RALGDS: variants seen among roughly 807,000 people sequenced by gnomAD.
The protein encoded by RALGDS is ral guanine nucleotide exchange factor.
Under a neutral mutation model 99.8 loss-of-function variants are expected in RALGDS, and 44 were observed. That is an observed-to-expected ratio of 0.44 (90% CI 0.35 to 0.57). The LOEUF (loss-of-function observed/expected upper bound fraction) is 0.57, where lower values mean the gene tolerates loss of function less well. Among genes scored for constraint, RALGDS ranks in the 20% least tolerant of loss-of-function variants. The pLI, the probability that RALGDS is intolerant of heterozygous loss-of-function variation, is 0.01. For synonymous variants in RALGDS, 529 were observed against 505.0 expected, an observed-to-expected ratio of 1.05 and a Z score of -0.64; for missense variants, 1,022 against 1,203.1, an observed-to-expected ratio of 0.85 and a Z score of 2.23.
intron 1 of RALGDS, among the ~76,000 whole-genome samples, chr9:133,141,286 C>T (rs1588572754): frequency 6.6e-6 from 1 of 152,322 alleles, no homozygotes; most frequent in African/African-American, 2.4e-5. Flanking sequence ...TGTGGCCCCA[C>T]CTGCCTTTTC....
At chr9:133,134,838 C>T (rs527277388), upstream of RALGDS, among the ~76,000 whole-genome samples, 4 of 152,284 alleles carry the variant, frequency 2.6e-5, no homozygotes, top group East Asian at 1.9e-4. Context: ...TGATATGTGA[C>T]GCAGGTTTTG....
chr9:133,130,091 C>T (rs536046770), intron 1 of RALGDS, among the ~76,000 whole-genome samples: 1 of 152,288 alleles, frequency 6.6e-6, no homozygotes, highest in Non-Finnish European at 1.5e-5. Context: ...CCTGCCTCAG[C>T]CTCCTGGGTA....
At chr9:133,105,168 T>C (rs1019650214) in intron 9 of RALGDS, among the ~76,000 whole-genome samples, 1 of 152,144 alleles carries the variant, frequency 6.6e-6, no homozygotes, top group Admixed American at 6.5e-5. Flanking sequence ...AGGAGCCCCC[T>C]GCGATGCTCC....
intron 1 of RALGDS, among the ~76,000 whole-genome samples, chr9:133,139,995 C>A (rs1396704913): frequency 6.6e-6 from 1 of 152,188 alleles, no homozygotes; most frequent in Non-Finnish European, 1.5e-5. Context: ...ACAGCCCGAA[C>A]TTCCCTGCGG....
At chr9:133,122,127 T>G (rs1831974517), upstream of RALGDS, among the ~76,000 whole-genome samples, 2 of 152,206 alleles carry the variant, frequency 1.3e-5, no homozygotes, top group African/African-American at 4.8e-5. Flanking sequence ...TGCTTGTGGC[T>G]TGGACATCCC....
At chr9:133,139,802 G>A (rs1433866730) in intron 1 of RALGDS, among the ~76,000 whole-genome samples, 1 of 152,202 alleles carries the variant, frequency 6.6e-6, no homozygotes, top group Non-Finnish European at 1.5e-5. Context: ...GCTGCCATCT[G>A]CGGAGGGCCT....
chr9:133,119,573 G>A (rs7019098), intron 1 of RALGDS, among the ~76,000 whole-genome samples: 36,223 of 151,974 alleles, frequency 0.24, 4,878 homozygotes, highest in Middle Eastern at 0.4. Context: ...GAACCTGCAC[G>A]GCCACTGTGA....
intron 1 of RALGDS, among the ~76,000 whole-genome samples, chr9:133,147,882 G>C (rs1200949171): frequency 1.3e-5 from 2 of 152,164 alleles, no homozygotes; most frequent in Admixed American, 6.5e-5. Flanking sequence ...TCCCTCTGCT[G>C]GTCCTGGGGT....
upstream of RALGDS, among the ~76,000 whole-genome samples, chr9:133,121,731 ATGACT>A (rs1014525209): frequency 6.6e-6 from 1 of 152,206 alleles, no homozygotes; most frequent in Non-Finnish European, 1.5e-5. Flanking sequence ...GGTAGTGAAA[ATGACT>A]TCCTCAAACA....
At position 133,108,078 on chromosome 9, in the gene RALGDS, C is replaced by T. The variant is rs373798366; in HGVS notation, c.1107G>A (p.Val369=). 1.2e-6 allele frequency: 2 copies of T among 1,613,614 alleles called. No homozygotes were observed. The highest frequency in any genetic ancestry group is 2.7e-5 in the African/African-American group (2 of 74,954). ...CCTCACTCAGCCCGTTCTCTGCAAC[C>T]ACAGGTGAAGGCCAGGAAGGCTGTA... is the stretch of plus-strand genomic sequence containing the variant. The part of the protein sequence containing the change: ...PSLQPSWPSP[V]VAENGLSEEK... Residue 369 remains valine, a synonymous_variant, in exon 6 of 18, where the codon GTG becomes GTA. Coordinates refer to ENST00000372050, the MANE Select transcript of RALGDS (RefSeq NM_006266.4).
chr9:133,139,753 C>G (rs968214358), intron 1 of RALGDS, among the ~76,000 whole-genome samples: 6 of 152,238 alleles, frequency 3.9e-5, no homozygotes, highest in Non-Finnish European at 7.3e-5. Context: ...GCTGGTGGGC[C>G]ATCGGCCATC....
At chr9:133,102,683 G>T (rs1262668699) in intron 13 of RALGDS, 96 bp downstream of exon 13, 22 of 1,601,588 alleles carry the variant, frequency 1.4e-5, no homozygotes, top group Non-Finnish European at 1.9e-5. Flanking sequence ...GGCAACAGGG[G>T]CTGAGGCTGA....
chr9:133,143,810 T>C (rs1460278453), intron 1 of RALGDS, among the ~76,000 whole-genome samples: 1 of 141,538 alleles, frequency 7.1e-6, no homozygotes, highest in African/African-American at 2.9e-5. Flanking sequence ...ATAATAATAA[T>C]AATAATAATA....
chr9:133,138,711 T>A (rs1390017596), intron 1 of RALGDS, among the ~76,000 whole-genome samples: 2 of 152,214 alleles, frequency 1.3e-5, no homozygotes, highest in Non-Finnish European at 2.9e-5. Flanking sequence ...CTCGGCTCGC[T>A]GCAACCTCTG....
chr9:133,119,293 G>A (rs1831784434), intron 1 of RALGDS, among the ~76,000 whole-genome samples: 1 of 152,186 alleles, frequency 6.6e-6, no homozygotes. Context: ...TGGCAGGAGG[G>A]ACAGGGACTT....
At position 133,144,182 on chromosome 9, in the gene RALGDS, C is replaced by G. The variant is rs973090088; in HGVS notation, c.18+4781G>C. ...AGTAACAGGAGAGCTATCTGCAAACCGCAGTGTCATCAGCCGCACGGCCTC... is the reference window on the plus strand; with the variant it reads ...AGTAACAGGAGAGCTATCTGCAAACGGCAGTGTCATCAGCCGCACGGCCTC... On this transcript the variant is annotated intron_variant, in intron 1 of 17. Coordinates refer to the RALGDS transcript ENST00000393160. The surrounding 1 kb of genome is among the most constrained non-coding windows in gnomAD (Gnocchi z 4.5). Among the ~76,000 whole-genome samples the G allele has an allele frequency of 2.0e-5, 3 of 152,182 alleles. No homozygotes were observed. Among genetic ancestry groups the G allele is most frequent in the Non-Finnish European group, 2.9e-5 (2 of 68,034 alleles).
intron 12 of RALGDS, 46 bp downstream of exon 12, chr9:133,103,184 C>T: frequency 1.2e-6 from 2 of 1,610,900 alleles, no homozygotes; most frequent in Non-Finnish European, 1.7e-6. Flanking sequence ...CCTGGTGGGT[C>T]TGTTTTCCAC....
intron 9 of RALGDS, 79 bp from the exon 10 acceptor site, chr9:133,104,410 T>G (rs576121218): frequency 2.2e-6 from 3 of 1,349,306 alleles, no homozygotes; most frequent in African/African-American, 2.9e-5. Flanking sequence ...GCTGCCAGTG[T>G]GGTCGGGTTC....
intron 1 of RALGDS, among the ~76,000 whole-genome samples, chr9:133,113,993 A>C (rs556391070): frequency 2.6e-5 from 4 of 152,212 alleles, no homozygotes; most frequent in Admixed American, 1.3e-4. Flanking sequence ...GTCCCCAGGC[A>C]GGCCAATCCC....
Sources: allele counts gnomAD v4.1 joint callset (sites outside exome capture counted in the v4.1 genomes callset), GRCh38; gene constraint gnomAD v4.1.1; non-coding constraint Gnocchi (gnomAD v3.1); transcripts MANE v1.5; gene names NCBI Gene and HGNC (gene_info 2026-07-23, HGNC 2026-07-21).